Variants in CALD1 observed in about 807,000 individuals in gnomAD.
CALD1 encodes caldesmon.
Under a neutral mutation model 99.9 loss-of-function variants are expected in CALD1, and 33 were observed. The ratio of observed to expected loss-of-function variants is 0.33; its 90% CI spans 0.25 to 0.44. The LOEUF (loss-of-function observed/expected upper bound fraction) is 0.44. Among genes scored for constraint, CALD1 ranks in the 20% least tolerant of loss-of-function variants. The pLI, the probability that CALD1 is intolerant of heterozygous loss-of-function variation, is 1.00. For synonymous variants in CALD1, 310 were observed against 325.0 expected (o/e 0.95, Z 0.50); for missense variants, 861 against 962.1 (o/e 0.89, Z 1.39).
chr7:134,836,296 T>C (rs1446847456), intron 1 of CALD1, among the ~76,000 whole-genome samples: 4 of 152,116 alleles, frequency 2.6e-5, no homozygotes, highest in Non-Finnish European at 5.9e-5. Flanking sequence ...TAGGAAGCCA[T>C]ACACAGGAAC....
At chr7:134,873,933 TA>T (rs1398958759) in intron 3 of CALD1, among the ~76,000 whole-genome samples, 2 of 152,010 alleles carry the variant, frequency 1.3e-5, no homozygotes, top group Admixed American at 6.6e-5. Context: ...AACATGGAAA[TA>T]AAAAAATAAA....
At chr7:134,788,890 C>T (rs577760780) in intron 1 of CALD1, among the ~76,000 whole-genome samples, 1 of 152,164 alleles carries the variant, frequency 6.6e-6, no homozygotes, top group East Asian at 1.9e-4. Flanking sequence ...TGGTGTGCAT[C>T]TGTAGTCCCA....
chr7:134,773,531 C>T (rs1160341760), intron 1 of CALD1, among the ~76,000 whole-genome samples: 1 of 152,104 alleles, frequency 6.6e-6, no homozygotes, highest in Non-Finnish European at 1.5e-5. Flanking sequence ...TCCCAAAGGG[C>T]TGGGATTACA....
At chr7:134,821,644 A>G (rs187170942) in intron 1 of CALD1, among the ~76,000 whole-genome samples, 29,558 of 106,768 alleles carry the variant, frequency 0.28, 5,210 homozygotes, top group East Asian at 0.59. Flanking sequence ...GTGCAATGGC[A>G]CAATCTTGGC....
chr7:134,862,299 G>A (rs1360056474), intron 2 of CALD1, among the ~76,000 whole-genome samples: 1 of 152,112 alleles, frequency 6.6e-6, no homozygotes, highest in African/African-American at 2.4e-5. Flanking sequence ...TTAAGTGTAT[G>A]CACTTTGAAA....
the CALD1 span, among the ~76,000 whole-genome samples, chr7:134,711,732 CTCTCTG>C: frequency 0.12 from 16,938 of 145,142 alleles, 1,299 homozygotes; most frequent in South Asian, 0.18. Flanking sequence ...GTGTGTCTCT[CTCTCTG>C]TCTCTGTCTG....
intron 1 of CALD1, among the ~76,000 whole-genome samples, chr7:134,769,534 A>G (rs899978072): frequency 6.6e-6 from 1 of 152,110 alleles, no homozygotes; most frequent in African/African-American, 2.4e-5. Flanking sequence ...AGTGTTCTCT[A>G]AGTGGACTGT....
upstream of CALD1, among the ~76,000 whole-genome samples, chr7:134,741,479 T>A (rs1265701135): frequency 6.6e-6 from 1 of 152,128 alleles, no homozygotes; most frequent in Non-Finnish European, 1.5e-5. Context: ...CCATATTAGC[T>A]CTGAAACTCT....
At position 134,932,924 on chromosome 7, in the gene CALD1, G is replaced by A. The variant is rs931252688; in HGVS notation, c.219-64G>A. The A allele has an allele frequency of 6.6e-5, 76 of 1,143,026 alleles. 1 individual carries two copies. The highest frequency in any genetic ancestry group is 6.1e-4 in the Middle Eastern group (3 of 4,920). 70.8% of individuals were successfully genotyped at this position (1,143,026 alleles called of 1,614,324 possible). On this transcript the variant is annotated intron_variant, in intron 4 of 14. Coordinates refer to ENST00000361675, the MANE Select transcript of CALD1 (RefSeq NM_033138.4). ...GCTGTAGTCCTGGGTAGCACAGGCT[G>A]TATGAATGCTGCTGACTGATGAATG...
At chr7:134,967,869 C>T (rs913825984) in intron 14 of CALD1, among the ~76,000 whole-genome samples, 1 of 152,128 alleles carries the variant, frequency 6.6e-6, no homozygotes, top group African/African-American at 2.4e-5. Flanking sequence ...TCCAGCCAGG[C>T]GCAGTGGCTC....
intron 1 of CALD1, among the ~76,000 whole-genome samples, chr7:134,832,622 G>T (rs184773211): frequency 6.6e-6 from 1 of 152,128 alleles, no homozygotes; most frequent in Non-Finnish European, 1.5e-5. Flanking sequence ...ACATAATAAG[G>T]GCAGTTTTGA....
At chr7:134,865,430 C>T (rs1800761231) in intron 2 of CALD1, among the ~76,000 whole-genome samples, 2 of 152,044 alleles carry the variant, frequency 1.3e-5, no homozygotes, top group African/African-American at 4.8e-5. Context: ...TACACCCACT[C>T]GTGTGCACAA....
rs201081345 is a variant in CALD1 at position 134,947,573 on chromosome 7, G to T, written c.1598G>T (p.Gly533Val). 1 of 1,561,796 alleles carries T rather than the reference G, an allele frequency of 6.4e-7. No homozygotes were observed. The highest frequency in any genetic ancestry group is 2.4e-5 in the East Asian group (1 of 41,564). ...EAEGAPQVEA[G>V]KRLEELRRRR... Reference sequence around the variant, plus strand: ...GAGGGCGCCCCCCAGGTGGAAGCCGGCAAAAGGCTGGAGGAGCTTCGTCGT... The same window carrying T: ...GAGGGCGCCCCCCAGGTGGAAGCCGTCAAAAGGCTGGAGGAGCTTCGTCGT... Residue 533 changes from glycine to valine, a missense_variant, in exon 8 of 15, where the codon GGC (glycine) becomes GTC (valine). Gly to Val is a moderately radical substitution (Grantham distance 109, BLOSUM62 -3). This residue lies in a region of CALD1 where 293 missense variants were observed against 262.7 expected (regional missense o/e 1.12). Coordinates refer to ENST00000361675, the MANE Select transcript of CALD1 (RefSeq NM_033138.4).
intron 3 of CALD1, among the ~76,000 whole-genome samples, chr7:134,887,465 C>G (rs546216316): frequency 4.6e-5 from 7 of 152,322 alleles, no homozygotes; most frequent in African/African-American, 1.7e-4. Context: ...GAAAATTTAT[C>G]TCCAACAGCC....
upstream of CALD1, among the ~76,000 whole-genome samples, chr7:134,739,677 C>T (rs77231893): frequency 0.039 from 5,947 of 152,148 alleles, 241 homozygotes; most frequent in East Asian, 0.11. Context: ...AAGGAAGCCA[C>T]TAAATAGAAG....
chr7:134,856,940 C>T (rs1170963903), intron 2 of CALD1, among the ~76,000 whole-genome samples: 1 of 152,046 alleles, frequency 6.6e-6, no homozygotes, highest in Non-Finnish European at 1.5e-5. Flanking sequence ...GAGCCTAATG[C>T]GGAGTATAAG....
chr7:134,766,165 T>G, intron 1 of CALD1, among the ~76,000 whole-genome samples: 1 of 141,304 alleles, frequency 7.1e-6, no homozygotes, highest in Non-Finnish European at 1.5e-5. Flanking sequence ...TTTTTTTTTT[T>G]TTTTGAGAGG....
At chr7:134,852,219 G>C (rs890056080) in intron 2 of CALD1, among the ~76,000 whole-genome samples, 1 of 152,108 alleles carries the variant, frequency 6.6e-6, no homozygotes, top group African/African-American at 2.4e-5. Context: ...CTGGACTCTA[G>C]AAAAATATAG....
Position 134,932,884 on chromosome 7 carries a change from G to A in CALD1, c.219-104G>A, listed in dbSNP as rs1805636020. On this transcript the variant is annotated intron_variant, in intron 4 of 14. Transcript: ENST00000361675. ...CGTACTGGGGATATGGGCAAGCTTG[G>A]CACTACTGGCATCTGCTGTAGTCCT... 4.2e-6 allele frequency: 3 copies of A among 718,238 alleles called. No homozygotes were observed. In the Admixed American group the frequency reaches 8.6e-5, roughly 21 times the overall value. The allele number at this position is 718,238 out of a possible 1,614,324, so 44.5% of individuals were successfully genotyped here. A position where few individuals can be genotyped will look rare whatever the true frequency, so the allele number is the denominator to read the frequency against.
Sources: gnomAD v4.1 joint callset for allele counts (sites outside exome capture counted in the v4.1 genomes callset) on GRCh38, gnomAD v4.1.1 for gene constraint, gnomAD v4.1.1 regional missense constraint, MANE v1.5 for transcripts, NCBI Gene and HGNC (gene_info 2026-07-23, HGNC 2026-07-21) for gene names.